The following LRRIQ3 variants were observed in gnomAD, a reference collection of about 807,000 sequenced individuals.
The protein encoded by LRRIQ3 is leucine-rich repeat and IQ domain-containing protein 3.
In LRRIQ3, 75 loss-of-function variants were observed where a neutral mutation model predicts 59.3. The ratio of observed to expected loss-of-function variants is 1.26; its 90% confidence interval spans 1.05 to 1.53. The LOEUF is 1.53. Among genes scored for constraint, LRRIQ3 ranks in the 40% most tolerant of loss-of-function variants. The pLI is 0.00. For synonymous variants in LRRIQ3, 250 were observed against 231.3 expected (o/e 1.08, Z -0.73); for missense variants, 831 against 710.0 (o/e 1.17, Z -1.94).
rs1187967979 is a variant in LRRIQ3, at chr1:74,029,569, G to C, written c.1719-2600C>G. ...AAGCCCACTTGATCATGGTGGATAA[G>C]ATTTTTGATCTACTGCTGGACTTGG... On this transcript the variant is annotated intron_variant, in intron 7 of 7. Transcript: ENST00000354431. 1.1e-4 allele frequency among the ~76,000 whole-genome samples: 17 copies of C among 152,050 alleles called. 1 individual carries two copies. Among genetic ancestry groups the C allele is most frequent in the Admixed American group, 1.1e-3 (17 of 15,250 alleles).
intron 6 of LRRIQ3, among the ~76,000 whole-genome samples, chr1:74,045,935 C>T (rs1654189791): frequency 6.6e-6 from 1 of 152,106 alleles, no homozygotes; most frequent in East Asian, 1.9e-4. Flanking sequence ...GAACTACAAG[C>T]CACTGCTCAA....
intron 6 of LRRIQ3, among the ~76,000 whole-genome samples, chr1:74,051,202 C>A (rs1419181273): frequency 6.6e-6 from 1 of 152,084 alleles, no homozygotes; most frequent in Non-Finnish European, 1.5e-5. Flanking sequence ...ATGTTAACCA[C>A]CAACCCTTAT....
intron 3 of LRRIQ3, among the ~76,000 whole-genome samples, chr1:74,159,171 C>G (rs1648517623): frequency 6.6e-6 from 1 of 152,150 alleles, no homozygotes; most frequent in African/African-American, 2.4e-5. Context: ...AGAACATTCT[C>G]CACATTGTAA....
chr1:74,149,236 A>G (rs889313071), intron 4 of LRRIQ3, among the ~76,000 whole-genome samples: 2 of 152,136 alleles, frequency 1.3e-5, no homozygotes, highest in African/African-American at 4.8e-5. Context: ...TCTCTGGGAA[A>G]TTTACGTAAG....
chr1:74,042,030 ATTTAC>A, intron 6 of LRRIQ3, 97 bp from the exon 7 acceptor site: 1 of 1,198,786 alleles, frequency 8.3e-7, no homozygotes, highest in Non-Finnish European at 1.1e-6. Context: ...AGAACCTTTT[ATTTAC>A]TTTACTAAGA....
intron 4 of LRRIQ3, among the ~76,000 whole-genome samples, chr1:74,122,943 T>A (rs1646881161): frequency 6.6e-6 from 1 of 152,172 alleles, no homozygotes; most frequent in African/African-American, 2.4e-5. Flanking sequence ...GACAAAGAGC[T>A]AATATCCAGA....
At chr1:74,151,458 T>C (rs1647950808) in intron 4 of LRRIQ3, among the ~76,000 whole-genome samples, 1 of 152,060 alleles carries the variant, frequency 6.6e-6, no homozygotes, top group African/African-American at 2.4e-5. Flanking sequence ...AAATCTAAAA[T>C]GTGAATGAAT....
intron 3 of LRRIQ3, among the ~76,000 whole-genome samples, chr1:74,163,158 A>G (rs1648758676): frequency 6.6e-6 from 1 of 151,502 alleles, no homozygotes; most frequent in Non-Finnish European, 1.5e-5. Context: ...TTTGGCACAC[A>G]TTTTCTCAGC....
intron 5 of LRRIQ3, 98 bp downstream of exon 5, chr1:74,109,296 C>T: frequency 1.2e-6 from 1 of 854,412 alleles, no homozygotes; most frequent in Non-Finnish European, 1.8e-6. Context: ...TAATGAAGGA[C>T]ATTTAATAGA....
rs562297771 is a variant in LRRIQ3, at chr1:74,070,979, A to T, written c.997+3682T>A. ...TGGCTAAAGATTATTTATATATATC[A>T]ATATATATATATAACTGATTCCTTG... On this transcript the variant is annotated intron_variant, in intron 6 of 7. Coordinates refer to ENST00000354431, the MANE Select transcript of LRRIQ3 (RefSeq NM_001105659.2). Among the ~76,000 whole-genome samples, 421 of 148,646 alleles carry T rather than the reference A, an allele frequency of 2.8e-3. 2 individuals are homozygous for T. The highest frequency in any genetic ancestry group is 9.8e-3 in the African/African-American group (394 of 40,390).
intron 2 of LRRIQ3, 63 bp from the exon 3 acceptor site, chr1:74,182,924 G>A: frequency 1.2e-6 from 1 of 861,790 alleles, no homozygotes; most frequent in South Asian, 2.4e-5. Flanking sequence ...CACAGAAAAT[G>A]GTAAAATATT....
At chr1:74,194,165 C>A (rs911810986) in intron 1 of LRRIQ3, among the ~76,000 whole-genome samples, 1 of 152,042 alleles carries the variant, frequency 6.6e-6, no homozygotes, top group African/African-American at 2.4e-5. Flanking sequence ...CAGGAGTGAG[C>A]TATGATCTGC....
At chr1:74,031,973 A>C (rs941631007) in intron 7 of LRRIQ3, among the ~76,000 whole-genome samples, 1 of 151,978 alleles carries the variant, frequency 6.6e-6, no homozygotes, top group Admixed American at 6.6e-5. Context: ...TTGCTAAAAG[A>C]AATTTAAAAA....
intron 5 of LRRIQ3, among the ~76,000 whole-genome samples, chr1:74,102,480 G>C (rs1646550486): frequency 2.0e-5 from 3 of 151,932 alleles, no homozygotes; most frequent in Admixed American, 2.0e-4. Context: ...ACAAGTGTTG[G>C]TAAGAATATG....
intron 7 of LRRIQ3, among the ~76,000 whole-genome samples, chr1:74,031,424 A>G (rs1653707851): frequency 6.6e-6 from 1 of 152,116 alleles, no homozygotes; most frequent in South Asian, 2.1e-4. Flanking sequence ...ATGGAATACT[A>G]TGCAGCCACA....
intron 1 of LRRIQ3, among the ~76,000 whole-genome samples, chr1:74,187,801 A>G (rs1273648368): frequency 1.3e-5 from 2 of 152,192 alleles, no homozygotes; most frequent in African/African-American, 4.8e-5. Context: ...GAGAAAAAGG[A>G]ACGCTTATAC....
intron 4 of LRRIQ3, among the ~76,000 whole-genome samples, chr1:74,115,388 A>C (rs968381974): frequency 3.3e-5 from 5 of 152,066 alleles, no homozygotes; most frequent in African/African-American, 1.2e-4. Context: ...ATCTCATCTT[A>C]TTTTTACTGG....
intron 4 of LRRIQ3, among the ~76,000 whole-genome samples, chr1:74,129,455 C>T (rs1401727870): frequency 6.6e-6 from 1 of 151,932 alleles, no homozygotes; most frequent in Non-Finnish European, 1.5e-5. Context: ...GTAAATGCTG[C>T]CAGGCCTAGG....
At chr1:74,134,798 C>A (rs1406364432) in intron 4 of LRRIQ3, among the ~76,000 whole-genome samples, 1 of 150,088 alleles carries the variant, frequency 6.7e-6, no homozygotes, top group Non-Finnish European at 1.5e-5. Context: ...GTAGAAAATA[C>A]CTGTTTAATA....
Sources: allele counts gnomAD v4.1 joint callset (sites outside exome capture counted in the v4.1 genomes callset), GRCh38; gene constraint gnomAD v4.1.1; transcripts MANE v1.5; gene names NCBI Gene and HGNC (gene_info 2026-07-23, HGNC 2026-07-21).